Variants in PGAP2 observed in about 807,000 individuals in gnomAD.
PGAP2 encodes post-GPI attachment to proteins 2, also known as acyltransferase PGAP2.
PGAP2 carries 21 observed loss-of-function variants against 33.2 expected under a neutral mutation model. That is an observed-to-expected ratio of 0.63 (90% confidence interval 0.45 to 0.91). The LOEUF is 0.91. Among genes scored for constraint, PGAP2 ranks in the 40% least tolerant of loss-of-function variants. The pLI is 0.00. For synonymous variants in PGAP2, 161 were observed against 172.9 expected, an observed-to-expected ratio of 0.93 and a Z score of 0.54; for missense variants, 345 against 424.0, an observed-to-expected ratio of 0.81 and a Z score of 1.64.
rs118014538 is a variant in PGAP2, at chr11:3,809,128, G to A, written c.-11+477G>A. ...CAATGTATATCAAGTACAGAGCAGG[G>A]GGCCTAGTATTCCGTAGGCACTCAG... On this transcript the variant is annotated intron_variant, in intron 1 of 6. Transcript: ENST00000278243. 5.4e-3 allele frequency among the ~76,000 whole-genome samples: 818 copies of A among 152,284 alleles called. 6 individuals carry two copies. Among genetic ancestry groups the A allele is most frequent in the Non-Finnish European group, 9.1e-3 (620 of 68,022 alleles).
chr11:3,822,831 T>C, intron 3 of PGAP2: 1 of 766,602 alleles, frequency 1.3e-6, no homozygotes, highest in Non-Finnish European at 2.1e-6. Context: ...TGTTCAGTCA[T>C]CCCCCATCCT....
At position 3,825,727 on chromosome 11, in the gene PGAP2, A is replaced by AT. The variant is rs2089916757; in HGVS notation, c.*269_*270insT. Reference sequence around the variant, plus strand: ...GAGAGCTCCACCATTTGGTGCTAAAAAAAAAAACGTCCTGAGGTTCATGAC... The same window carrying AT: ...GAGAGCTCCACCATTTGGTGCTAAAATAAAAAAACGTCCTGAGGTTCATGAC... On this transcript the variant is annotated 3_prime_UTR_variant, in exon 7 of 7. Coordinates refer to ENST00000278243, the MANE Select transcript of PGAP2 (RefSeq NM_014489.4). 1 of 307,442 alleles carries AT rather than the reference A, an allele frequency of 3.3e-6. No individual in the cohort carries two copies. Among genetic ancestry groups the AT allele is most frequent in the African/African-American group, 2.1e-5 (1 of 46,818 alleles). 19.0% of individuals were successfully genotyped at this position (307,442 alleles called of 1,614,324 possible).
chr11:3,800,480 AT>A (rs2083278166), intron 1 of PGAP2, among the ~76,000 whole-genome samples: 1 of 152,146 alleles, frequency 6.6e-6, no homozygotes, highest in Non-Finnish European at 1.5e-5. Context: ...TTCAGTTTAA[AT>A]TTATTTATTA....
At chr11:3,808,438 A>G (rs1428215646), upstream of PGAP2, 2 of 1,525,950 alleles carry the variant, frequency 1.3e-6, no homozygotes, top group African/African-American at 1.4e-5. Context: ...GTTTGAGGAC[A>G]CGCCAGATTG....
intron 2 of PGAP2, 107 bp from the exon 3 acceptor site, chr11:3,817,246 G>T (rs1457725316): frequency 3.6e-6 from 3 of 825,804 alleles, no homozygotes; most frequent in South Asian, 1.6e-5. Flanking sequence ...TACCCTTTCT[G>T]CTCTGGCTTT....
At chr11:3,820,336 G>A (rs538953309) in intron 3 of PGAP2, among the ~76,000 whole-genome samples, 1 of 152,234 alleles carries the variant, frequency 6.6e-6, no homozygotes, top group South Asian at 2.1e-4. Flanking sequence ...ATCACTTATT[G>A]TACTTAACTG....
At chr11:3,809,071 A>T (rs185000934) in intron 1 of PGAP2, among the ~76,000 whole-genome samples, 1 of 152,280 alleles carries the variant, frequency 6.6e-6, no homozygotes, top group African/African-American at 2.4e-5. Context: ...TGTAGCACCT[A>T]CCTCATAGAA....
rs1461837439 is a variant in PGAP2 at position 3,817,540 on chromosome 11, G to A, written c.348+5G>A. On this transcript the variant is annotated splice_donor_5th_base_variant and intron_variant, in intron 3 of 6. Coordinates refer to ENST00000278243, the MANE Select transcript of PGAP2 (RefSeq NM_014489.4). ...ACGGTGGCCACTGACTGTGGGGTGA[G>A]TGCCAGCTCCCCAGCCCCTGGGTCA... The A allele has an allele frequency of 1.2e-6, 2 of 1,613,174 alleles. No individual in the cohort carries two copies. Among genetic ancestry groups the A allele is most frequent in the East Asian group, 2.2e-5 (1 of 44,868 alleles).
At chr11:3,808,774 G>C in intron 1 of PGAP2, 123 bp downstream of exon 1, 1 of 290,578 alleles carries the variant, frequency 3.4e-6, no homozygotes, top group Non-Finnish European at 5.2e-6. Context: ...CCGTCCTATC[G>C]CACACACTCT....
intron 3 of PGAP2, among the ~76,000 whole-genome samples, chr11:3,821,243 T>C (rs2134893126): frequency 6.6e-6 from 1 of 152,380 alleles, no homozygotes; most frequent in East Asian, 1.9e-4. Context: ...CCTGCAGCAT[T>C]GCTCACCTTC....
At chr11:3,801,894 A>ACCTCCCTGC (rs2083504503) in intron 1 of PGAP2, among the ~76,000 whole-genome samples, 1 of 151,912 alleles carries the variant, frequency 6.6e-6, no homozygotes, top group African/African-American at 2.4e-5. Context: ...GCAGTGAGCC[A>ACCTCCCTGC]AGATTGCACC....
intron 3 of PGAP2, chr11:3,823,643 AG>A: frequency 6.5e-7 from 1 of 1,540,244 alleles, no homozygotes; most frequent in African/African-American, 1.4e-5. Context: ...GAGATGGAGA[AG>A]GTGCCACCAT....
exon 1 of PGAP2, chr11:3,797,862 A>G (rs945212319): frequency 6.5e-6 from 10 of 1,550,320 alleles, no homozygotes; most frequent in Non-Finnish European, 7.0e-6. Flanking sequence ...ATTGGGAAGC[A>G]CCGGCGGGGT....
chr11:3,814,504 G>T (rs2086311593), intron 2 of PGAP2, among the ~76,000 whole-genome samples: 1 of 152,010 alleles, frequency 6.6e-6, no homozygotes, highest in Admixed American at 6.6e-5. Flanking sequence ...TGATCCACCT[G>T]CCTTGGCCTC....
upstream of PGAP2, among the ~76,000 whole-genome samples, chr11:3,807,603 T>C (rs979494521): frequency 2.0e-5 from 3 of 152,062 alleles, no homozygotes; most frequent in Non-Finnish European, 2.9e-5. Flanking sequence ...CTACCGCGCC[T>C]GGCCCTCACA....
In PGAP2 at chr11:3,825,723, T is replaced by TAA. The variant is rs35179044; in HGVS notation, c.*275_*276dup. The TAA allele has an allele frequency of 0.021, 4,300 of 207,614 alleles. 47 individuals carry two copies. Among genetic ancestry groups the TAA allele is most frequent in the African/African-American group, 0.044 (1,845 of 42,102 alleles). The allele number at this position is 207,614 out of a possible 1,614,324, so 12.9% of individuals were successfully genotyped here. A position where few individuals can be genotyped will look rare whatever the true frequency, so the allele number is the denominator to read the frequency against. Reference sequence around the variant, plus strand: ...GGCAGAGAGCTCCACCATTTGGTGCTAAAAAAAAAAACGTCCTGAGGTTCA... The same window carrying TAA: ...GGCAGAGAGCTCCACCATTTGGTGCTAAAAAAAAAAAAACGTCCTGAGGTTCA... On this transcript the variant is annotated 3_prime_UTR_variant, in exon 7 of 7. Coordinates refer to ENST00000278243, the MANE Select transcript of PGAP2 (RefSeq NM_014489.4).
At chr11:3,814,749 T>TTCC (rs375112851) in intron 2 of PGAP2, among the ~76,000 whole-genome samples, 19,588 of 60,708 alleles carry the variant, frequency 0.32, 1,895 homozygotes, top group Middle Eastern at 0.36. Context: ...CTTTCCTTCT[T>TTCC]TTCTTTCTTT....
At chr11:3,807,180 T>G (rs2084530911), upstream of PGAP2, among the ~76,000 whole-genome samples, 1 of 145,536 alleles carries the variant, frequency 6.9e-6, no homozygotes, top group South Asian at 2.2e-4. Flanking sequence ...TACTAAAAAC[T>G]ACAAAAATTA....
Position 3,825,527 on chromosome 11 carries a change from C to T in PGAP2, c.*69C>T. Reference sequence around the variant, plus strand: ...ACAAGAAACACGATACCATTCTGGCCTTCCCCACCCCACATCCTCTCTTGG... The same window carrying T: ...ACAAGAAACACGATACCATTCTGGCTTTCCCCACCCCACATCCTCTCTTGG... On this transcript the variant is annotated 3_prime_UTR_variant, in exon 7 of 7. Transcript: ENST00000278243. 1.3e-6 allele frequency: 2 copies of T among 1,496,564 alleles called. No homozygotes were observed. The highest frequency in any genetic ancestry group is 1.8e-6 in the Non-Finnish European group (2 of 1,096,230). The allele number at this position is 1,496,564 out of a possible 1,614,324, so 92.7% of individuals were successfully genotyped here.
Sources: gnomAD v4.1 joint callset for allele counts (sites outside exome capture counted in the v4.1 genomes callset) on GRCh38, gnomAD v4.1.1 for gene constraint, MANE v1.5 for transcripts, NCBI Gene and HGNC (gene_info 2026-07-23, HGNC 2026-07-21) for gene names.